MASP1: variants seen among roughly 807,000 people sequenced by gnomAD.
MASP1 encodes the protein mannan-binding lectin serine protease 1.
A neutral mutation model predicts 77.1 loss-of-function variants in MASP1; 59 were observed. The ratio of observed to expected loss-of-function variants is 0.77; its 90% confidence interval spans 0.62 to 0.95. The LOEUF is 0.95. Ranked by LOEUF, MASP1 falls within the 40% of genes least tolerant of loss-of-function variation. The pLI, the probability that MASP1 is intolerant of heterozygous loss-of-function variation, is 0.00. For synonymous variants in MASP1, 362 were observed against 354.5 expected (o/e 1.02, Z -0.24); for missense variants, 885 against 912.9 (o/e 0.97, Z 0.39).
rs527458053 is a variant in MASP1, at chr3:187,278,669, G to A, written c.237+7156C>T. ...TTTCTGGGTAAGTAGCCAATAAGTT[G>A]TCATAACTGGGGCTTAAAGCCTCTG... On this transcript the variant is annotated intron_variant, in intron 2 of 10. Coordinates refer to ENST00000296280, the MANE Select transcript of MASP1 (RefSeq NM_139125.4). Among the ~76,000 whole-genome samples, 3 of 152,262 alleles carry A rather than the reference G, an allele frequency of 2.0e-5. No homozygotes were observed. In the East Asian group the frequency reaches 5.8e-4, roughly 29 times the overall value.
intron 2 of MASP1, among the ~76,000 whole-genome samples, chr3:187,264,821 T>G (rs955994017): frequency 1.3e-5 from 2 of 152,196 alleles, no homozygotes; most frequent in African/African-American, 4.8e-5. Context: ...CTAAATAGAT[T>G]TAGAATGAGG....
In MASP1 at chr3:187,256,469, G is replaced by A; in HGVS notation, c.744+195C>T. On this transcript the variant is annotated intron_variant, in intron 5 of 10. Transcript: ENST00000296280. ...TCAAGCCACCCTAGTGGCCAGTGGG[G>A]TCATTTCGGATCAGAGATTCCTGGA... is the stretch of plus-strand genomic sequence containing the variant. 3 of 645,416 alleles carry A rather than the reference G, an allele frequency of 4.6e-6. No homozygotes were observed. The South Asian group carries it at 5.4e-5, about 12-fold the overall frequency. 40.0% of individuals were successfully genotyped at this position (645,416 alleles called of 1,614,324 possible). A position where few individuals can be genotyped will look rare whatever the true frequency, so the allele number is the denominator to read the frequency against.
chr3:187,222,270 A>G (rs1712108107), intron 14 of MASP1, among the ~76,000 whole-genome samples: 1 of 152,094 alleles, frequency 6.6e-6, no homozygotes, highest in Non-Finnish European at 1.5e-5. Context: ...TCACATCCAT[A>G]ACTACTTTCT....
chr3:187,256,980 A>G (rs1715144533), intron 4 of MASP1, 120 bp from the exon 5 acceptor site: 18 of 839,856 alleles, frequency 2.1e-5, no homozygotes, highest in Non-Finnish European at 3.6e-5. Flanking sequence ...AGGTATCGGC[A>G]TCTCCATTTT....
downstream of MASP1, among the ~76,000 whole-genome samples, chr3:187,231,428 T>C (rs1712757034): frequency 6.6e-6 from 1 of 152,252 alleles, no homozygotes; most frequent in African/African-American, 2.4e-5. Context: ...TTGACACTCC[T>C]TTCCCACATT....
chr3:187,237,083 C>A (rs1713248132), intron 10 of MASP1, among the ~76,000 whole-genome samples: 2 of 152,220 alleles, frequency 1.3e-5, no homozygotes, highest in Admixed American at 1.3e-4. Flanking sequence ...ATGCTGGAAG[C>A]CTTGGCCTGG....
intron 1 of MASP1, among the ~76,000 whole-genome samples, chr3:187,289,380 C>T (rs1210365734): frequency 2.0e-5 from 3 of 152,000 alleles, no homozygotes; most frequent in African/African-American, 4.8e-5. Flanking sequence ...ATTTGACAGA[C>T]GATGAAAAGG....
chr3:187,290,175 A>T (rs974172241), intron 1 of MASP1, among the ~76,000 whole-genome samples: 1 of 152,202 alleles, frequency 6.6e-6, no homozygotes, highest in Non-Finnish European at 1.5e-5. Context: ...TACTACAAGG[A>T]CAATAAGAGA....
chr3:187,251,776 C>CA, intron 6 of MASP1, 24 bp from the exon 7 acceptor site: 12 of 1,574,000 alleles, frequency 7.6e-6, no homozygotes, highest in Non-Finnish European at 1.0e-5. Flanking sequence ...AATGAAAGAA[C>CA]AGCAGGTGAG....
intron 2 of MASP1, among the ~76,000 whole-genome samples, chr3:187,279,741 G>A (rs1717259740): frequency 6.6e-6 from 1 of 152,140 alleles, no homozygotes; most frequent in South Asian, 2.1e-4. Context: ...CCTACTTAGA[G>A]AACTGCACTG....
intron 2 of MASP1, among the ~76,000 whole-genome samples, chr3:187,280,325 G>A (rs1393590866): frequency 1.3e-5 from 2 of 152,206 alleles, no homozygotes; most frequent in Non-Finnish European, 2.9e-5. Context: ...TGTCACAGAT[G>A]CTATTAAAAT....
Position 187,236,417 on chromosome 3 carries a change from G to A in MASP1, c.1454C>T (p.Ala485Val), listed in dbSNP as rs770919831. The change falls in exon 11 of 11, where the codon GCC becomes GTC. Residue 485 changes from alanine (A) to valine (V), a missense_variant. Coordinates refer to ENST00000296280, the MANE Select transcript of MASP1 (RefSeq NM_139125.4). Reference sequence around the variant, plus strand: ...GAGGATCCAGGACGCAGAGAGCAGGGCCCCACTCCCAAACCACTTGTCATT... The same window carrying A: ...GAGGATCCAGGACGCAGAGAGCAGGACCCCACTCCCAAACCACTTGTCATT... ...VPNDKWFGSG[A>V]LLSASWILTA... The A allele has an allele frequency of 1.2e-6, 2 of 1,614,198 alleles. No individual in the cohort carries two copies. Among genetic ancestry groups the A allele is most frequent in the Non-Finnish European group, 1.7e-6 (2 of 1,180,040 alleles).
chr3:187,250,396 A>G (rs1210733319), intron 7 of MASP1, 67 bp from the exon 8 acceptor site: 1 of 1,164,322 alleles, frequency 8.6e-7, no homozygotes, highest in Non-Finnish European at 1.3e-6. Context: ...GTTTTTTCCT[A>G]GCAAAACCAA....
chr3:187,287,139 A>T (rs1717926707), intron 1 of MASP1, among the ~76,000 whole-genome samples: 1 of 152,218 alleles, frequency 6.6e-6, no homozygotes, highest in African/African-American at 2.4e-5. Context: ...TTTCTCAAAC[A>T]CAGATAGGAC....
rs1203874648 is a variant in MASP1, at chr3:187,234,893, G to A, written c.*791C>T. ...GGAGCAGCAGGTGTGGACGCCCATGGTGTCAGCTGGTGTTCCAGGGTGGCA... is the reference window on the plus strand; with the variant it reads ...GGAGCAGCAGGTGTGGACGCCCATGATGTCAGCTGGTGTTCCAGGGTGGCA... On this transcript the variant is annotated 3_prime_UTR_variant, in exon 11 of 11. Transcript: ENST00000296280. The A allele has an allele frequency of 3.1e-6, 4 of 1,287,164 alleles. No homozygotes were observed. The highest frequency in any genetic ancestry group is 3.0e-6 in the Non-Finnish European group (3 of 988,652). 79.7% of individuals were successfully genotyped at this position (1,287,164 alleles called of 1,614,324 possible).
At chr3:187,284,962 A>G (rs532117966) in intron 2 of MASP1, among the ~76,000 whole-genome samples, 2 of 152,330 alleles carry the variant, frequency 1.3e-5, no homozygotes, top group African/African-American at 2.4e-5. Flanking sequence ...CTACAATAAT[A>G]CTAAAAATAT....
chr3:187,287,299 C>A (rs1224028677), intron 1 of MASP1, among the ~76,000 whole-genome samples: 1 of 152,202 alleles, frequency 6.6e-6, no homozygotes, highest in Non-Finnish European at 1.5e-5. Context: ...CCATGCCCTT[C>A]CATTCCAGCC....
intron 2 of MASP1, among the ~76,000 whole-genome samples, chr3:187,278,828 T>C (rs764186890): frequency 7.2e-5 from 11 of 152,190 alleles, no homozygotes; most frequent in Non-Finnish European, 1.2e-4. Context: ...CATAGTCATA[T>C]CCAATCTATT....
At position 187,256,658 on chromosome 3, in the gene MASP1, G is replaced by T; in HGVS notation, c.744+6C>A. The T allele has an allele frequency of 6.2e-7, 1 of 1,613,652 alleles. No homozygotes were observed. Among genetic ancestry groups the T allele is most frequent in the Non-Finnish European group, 8.5e-7 (1 of 1,179,928 alleles). On this transcript the variant is annotated splice_donor_region_variant and intron_variant, in intron 5 of 10. Transcript: ENST00000296280. ...TCTCCAGGACAAGTGTTCATTGCAG[G>T]CTCACCTTGATGTAGTCATAGGGGC...
Sources: gnomAD v4.1 joint callset for allele counts (sites outside exome capture counted in the v4.1 genomes callset) on GRCh38, gnomAD v4.1.1 for gene constraint, MANE v1.5 for transcripts, NCBI Gene and HGNC (gene_info 2026-07-23, HGNC 2026-07-21) for gene names.